The following ANAPC5 variants were observed in gnomAD, a reference collection of about 807,000 sequenced individuals.
ANAPC5 encodes anaphase-promoting complex subunit 5.
In ANAPC5, 60 loss-of-function variants were observed where a neutral mutation model predicts 91.3. The ratio of observed to expected loss-of-function variants is 0.66; its 90% CI spans 0.53 to 0.81. The LOEUF (loss-of-function observed/expected upper bound fraction) is 0.81, where lower values mean the gene tolerates loss of function less well. Ranked by LOEUF, ANAPC5 falls within the 40% of genes least tolerant of loss-of-function variation. The pLI, the probability that ANAPC5 is intolerant of heterozygous loss-of-function variation, is 0.00. For synonymous variants in ANAPC5, 340 were observed against 364.1 expected (o/e 0.93, Z 0.75); for missense variants, 690 against 931.5 (o/e 0.74, Z 3.37).
At chr12:121,309,276 C>G (rs1376743500) in intron 16 of ANAPC5, among the ~76,000 whole-genome samples, 2 of 151,030 alleles carry the variant, frequency 1.3e-5, no homozygotes, top group Non-Finnish European at 2.9e-5. Flanking sequence ...TGGAGAAAGC[C>G]CTACTAAAAA....
At chr12:121,321,342 ACTT>A (rs1351608264) in intron 11 of ANAPC5, among the ~76,000 whole-genome samples, 2 of 133,766 alleles carry the variant, frequency 1.5e-5, no homozygotes, top group Admixed American at 7.9e-5. Context: ...CAAACAAATT[ACTT>A]TTTTTTTTTT....
chr12:121,341,418 C>T (rs535357371), intron 5 of ANAPC5, among the ~76,000 whole-genome samples: 25 of 151,162 alleles, frequency 1.7e-4, no homozygotes, highest in South Asian at 6.3e-4. Context: ...AGCAGGGACC[C>T]GAGATCATGC....
rs111724696 is a variant in ANAPC5 at position 121,318,280 on chromosome 12, C to A, written c.1890G>T (p.Ala630=). Residue 630 remains alanine (A), a synonymous_variant, in exon 15 of 17, where the codon GCG becomes GCT. Transcript: ENST00000261819. Reference sequence around the variant, plus strand: ...ATAAAAACAGAGATCGGCTTACCTGCGCAAAAGCCAAGTTCAGCACTGTTT... The same window carrying A: ...ATAAAAACAGAGATCGGCTTACCTGAGCAAAAGCCAAGTTCAGCACTGTTT... ...ASETVLNLAF[A]QLILGIPEQA... is the part of the protein sequence containing the mutation. The A allele has an allele frequency of 3.3e-6, 5 of 1,527,048 alleles. No individual in the cohort carries two copies. Among genetic ancestry groups the A allele is most frequent in the Middle Eastern group, 3.5e-4 (2 of 5,666 alleles). The allele number at this position is 1,527,048 out of a possible 1,614,324, so 94.6% of individuals were successfully genotyped here. A position where few individuals can be genotyped will look rare whatever the true frequency, so the allele number is the denominator to read the frequency against.
chr12:121,326,152 C>A (rs548087710), intron 11 of ANAPC5, among the ~76,000 whole-genome samples: 9 of 152,304 alleles, frequency 5.9e-5, no homozygotes, highest in African/African-American at 2.2e-4. Context: ...TCAGTTTACA[C>A]AGCCATGTAA....
At chr12:121,326,228 A>C (rs1223246741) in intron 11 of ANAPC5, 1 of 152,204 alleles carries the variant, frequency 6.6e-6, no homozygotes, top group Non-Finnish European at 1.5e-5. Context: ...AGGAGTGGAA[A>C]CCACCCAAAA....
chr12:121,339,312 A>C (rs112795038), intron 5 of ANAPC5, among the ~76,000 whole-genome samples: 2,117 of 151,524 alleles, frequency 0.014, 46 homozygotes, highest in African/African-American at 0.049. Context: ...CTGCCTCCCA[A>C]AGTGCTGGGA....
Position 121,331,421 on chromosome 12 carries a change from C to T in ANAPC5, c.958G>A (p.Ala320Thr). The change falls in exon 8 of 17, where the codon GCA (alanine) becomes ACA (threonine). Residue 320 changes from alanine to threonine, a missense_variant. By Grantham distance (58) the Ala-to-Thr change is moderately conservative. This residue lies in a region of ANAPC5 where 83 missense variants were observed against 150.8 expected (regional missense o/e 0.55). Transcript: ENST00000261819. ...LHCRFGHYQQ[A>T]ELALQEAIRI... Reference sequence around the variant, plus strand: ...ATTGCCTCCTGCAGGGCGAGCTCTGCCTGTTGACTAATGACAGACTAAACA... The same window carrying T: ...ATTGCCTCCTGCAGGGCGAGCTCTGTCTGTTGACTAATGACAGACTAAACA... The T allele has an allele frequency of 6.2e-7, 1 of 1,608,320 alleles. No individual in the cohort carries two copies. The highest frequency in any genetic ancestry group is 8.5e-7 in the Non-Finnish European group (1 of 1,175,216).
At chr12:121,347,233 C>A in intron 2 of ANAPC5, 1 of 487,600 alleles carries the variant, frequency 2.1e-6, no homozygotes, top group Non-Finnish European at 3.6e-6. Flanking sequence ...ATCACATCAA[C>A]CAATAAACAT....
At position 121,352,188 on chromosome 12, in the gene ANAPC5, G is replaced by C. The variant is rs569168211; in HGVS notation, c.153C>G (p.Ala51=). Residue 51 remains alanine (A), a synonymous_variant, in exon 1 of 17, where the codon GCC becomes GCG. Coordinates refer to ENST00000261819, the MANE Select transcript of ANAPC5 (RefSeq NM_016237.5). ...GCCTCCGCCGCTCCATGAGGCTGAC[G>C]GCGCCCTCGCCTGTGCGGCTCATCT... The part of the protein sequence containing the change: ...LNEMSRTGEG[A]VSLMERRRLN... 3 of 1,613,308 alleles carry C rather than the reference G, an allele frequency of 1.9e-6. No individual in the cohort carries two copies. The highest frequency in any genetic ancestry group is 1.7e-4 in the Middle Eastern group (1 of 6,058).
chr12:121,349,258 G>A (rs989692556), intron 1 of ANAPC5, among the ~76,000 whole-genome samples: 1 of 152,148 alleles, frequency 6.6e-6, no homozygotes, highest in Non-Finnish European at 1.5e-5. Context: ...CATACATTTT[G>A]ATTAAAACTA....
chr12:121,335,590 C>T lies in ANAPC5; in HGVS notation c.893G>A (p.Arg298Gln), dbSNP rs201634790. ...SKSNGEEGYG[R>Q]SLRYAALNLA... ...ATTCAGAGCGGCGTATCTCAAGCTC[C>T]GGCCATAGCCCTCTTCCCCATTACT... Residue 298 changes from arginine (R) to glutamine (Q), a missense_variant, in exon 7 of 17, where the codon CGG (arginine) becomes CAG (glutamine). Transcript: ENST00000261819. The T allele has an allele frequency of 3.9e-5, 63 of 1,613,630 alleles. No individual in the cohort carries two copies. The highest frequency in any genetic ancestry group is 5.2e-5 in the Non-Finnish European group (61 of 1,179,698).
At chr12:121,322,763 C>T (rs1192463745) in intron 11 of ANAPC5, among the ~76,000 whole-genome samples, 1 of 152,148 alleles carries the variant, frequency 6.6e-6, no homozygotes, top group African/African-American at 2.4e-5. Context: ...TAGCTCACGC[C>T]TGTAATCCCA....
At position 121,308,656 on chromosome 12, in the gene ANAPC5, T is replaced by G; in HGVS notation, c.2092A>C (p.Lys698Gln). Residue 698 changes from lysine to glutamine, a missense_variant, in exon 17 of 17, where the codon AAG becomes CAG. Transcript: ENST00000261819. ...EAAIENLNEA[K>Q]NYFAKVDCKE... ...CAGTCAACCTTTGCAAAATAGTTCT[T>G]GGCTTCATTGAGGTTCTCGATGGCA... is the stretch of plus-strand genomic sequence containing the variant. 2 of 1,614,148 alleles carry G rather than the reference T, an allele frequency of 1.2e-6. No homozygotes were observed. Among genetic ancestry groups the G allele is most frequent in the Non-Finnish European group, 1.7e-6 (2 of 1,180,018 alleles).
At chr12:121,327,738 A>C (rs568689497) in intron 10 of ANAPC5, 145 of 155,706 alleles carry the variant, frequency 9.3e-4, no homozygotes, top group Admixed American at 1.7e-3. Context: ...TAGCGACAGA[A>C]CTCCAGGATT....
At chr12:121,346,869 T>C in intron 3 of ANAPC5, 27 bp downstream of exon 3, 1 of 1,425,474 alleles carries the variant, frequency 7.0e-7, no homozygotes, top group Non-Finnish European at 9.7e-7. Flanking sequence ...GAAAATACTC[T>C]CTGCTCTTCT....
At chr12:121,327,053 C>T in intron 11 of ANAPC5, 43 bp downstream of exon 11, 2 of 1,552,838 alleles carry the variant, frequency 1.3e-6, no homozygotes, top group Non-Finnish European at 1.7e-6. Flanking sequence ...AATGGTAGAG[C>T]CTCCATTGCT....
Position 121,345,960 on chromosome 12 carries a change from C to A in ANAPC5, c.469G>T (p.Ala157Ser), listed in dbSNP as rs1218811701. The change falls in exon 4 of 17, where the codon GCC becomes TCC. Residue 157 changes from alanine to serine, a missense_variant. Physicochemically the swap from Ala to Ser is moderately conservative, Grantham distance 99. This residue lies in a region of ANAPC5 where 238 missense variants were observed against 264.9 expected (regional missense o/e 0.90). Coordinates refer to ENST00000261819, the MANE Select transcript of ANAPC5 (RefSeq NM_016237.5). ...SFSQVFKLYT[A>S]LQQYFQNGEK... Reference sequence around the variant, plus strand: ...CCATTCTGGAAGTACTGCTGAAGGGCAGTGTACAGTTTAAACACTTGGCTG... The same window carrying A: ...CCATTCTGGAAGTACTGCTGAAGGGAAGTGTACAGTTTAAACACTTGGCTG... 6.2e-7 allele frequency: 1 copy of A among 1,613,968 alleles called. No homozygotes were observed. Among genetic ancestry groups the A allele is most frequent in the Non-Finnish European group, 8.5e-7 (1 of 1,180,004 alleles).
At chr12:121,353,384 C>A (rs991115346), upstream of ANAPC5, among the ~76,000 whole-genome samples, 1 of 152,178 alleles carries the variant, frequency 6.6e-6, no homozygotes, top group Non-Finnish European at 1.5e-5. Flanking sequence ...GAAAGAAAAA[C>A]CACATACCAT....
chr12:121,353,794 C>A (rs574769463), upstream of ANAPC5, among the ~76,000 whole-genome samples: 6 of 151,800 alleles, frequency 4.0e-5, no homozygotes, highest in Non-Finnish European at 8.8e-5. Context: ...CTCTCTCATT[C>A]TGCTACCGAG....
Sources: allele counts gnomAD v4.1 joint callset (sites outside exome capture counted in the v4.1 genomes callset), GRCh38; gene constraint gnomAD v4.1.1; regional missense constraint gnomAD v4.1.1; transcripts MANE v1.5; gene names NCBI Gene and HGNC (gene_info 2026-07-23, HGNC 2026-07-21).